The following EFCAB5 variants were observed in gnomAD, a reference collection of about 807,000 sequenced individuals.
The protein encoded by EFCAB5 is EF-hand calcium-binding domain-containing protein 5.
Under a neutral mutation model 167.9 loss-of-function variants are expected in EFCAB5, and 131 were observed. That is an observed-to-expected ratio of 0.78 (90% CI 0.68 to 0.90). The LOEUF (loss-of-function observed/expected upper bound fraction) is 0.90, where lower values mean the gene tolerates loss of function less well. EFCAB5 is among the 40% of genes least tolerant of loss of function. EFCAB5 has a pLI of 0.00. For missense variants in EFCAB5, 1,663 were observed against 1,745.2 expected (o/e 0.95, Z 0.84); for synonymous variants, 574 against 602.8 (o/e 0.95, Z 0.70).
chr17:30,062,549 A>C (rs2151801463), intron 14 of EFCAB5, among the ~76,000 whole-genome samples: 1 of 152,350 alleles, frequency 6.6e-6, no homozygotes, highest in East Asian at 1.9e-4. Flanking sequence ...TGCTCTCCCC[A>C]GAAAAGACGC....
chr17:30,003,624 G>C (rs1185726332), intron 7 of EFCAB5, among the ~76,000 whole-genome samples: 1 of 150,410 alleles, frequency 6.6e-6, no homozygotes, highest in African/African-American at 2.4e-5. Flanking sequence ...AGCCTCCTGA[G>C]TTGTATTTTT....
intron 14 of EFCAB5, 48 bp from the exon 15 acceptor site, chr17:30,078,167 A>G (rs757980347): frequency 2.6e-6 from 4 of 1,544,396 alleles, no homozygotes; most frequent in South Asian, 2.5e-5. Flanking sequence ...CCCCCCACCA[A>G]TGAGTGAACT....
intron 8 of EFCAB5, among the ~76,000 whole-genome samples, chr17:30,048,326 C>T (rs1449718532): frequency 6.6e-6 from 1 of 151,228 alleles, no homozygotes; most frequent in Admixed American, 6.6e-5. Flanking sequence ...CCTGAACTTT[C>T]CCTGTCTGCC....
chr17:30,073,309 A>G (rs2070790827), intron 14 of EFCAB5: 2 of 546,214 alleles, frequency 3.7e-6, no homozygotes, highest in Non-Finnish European at 6.5e-6. Flanking sequence ...CTCTCACCTC[A>G]GTCTCCCGAA....
intron 13 of EFCAB5, chr17:30,058,989 A>C (rs983864585): frequency 2.6e-5 from 4 of 151,896 alleles, no homozygotes; most frequent in Non-Finnish European, 4.4e-5. Context: ...TAAATTTGAA[A>C]AAAAAAAAAA....
intron 3 of EFCAB5, among the ~76,000 whole-genome samples, chr17:29,965,912 G>T (rs1419996672): frequency 6.6e-6 from 1 of 151,698 alleles, no homozygotes; most frequent in African/African-American, 2.4e-5. Flanking sequence ...ATGACATGAA[G>T]CTTTATAAAA....
intron 7 of EFCAB5, among the ~76,000 whole-genome samples, chr17:30,019,168 C>T (rs1019548065): frequency 2.6e-5 from 4 of 152,002 alleles, no homozygotes; most frequent in East Asian, 1.9e-4. Context: ...CATGCCTGGG[C>T]TTTGTATTCT....
chr17:29,943,824 A>C (rs2067341413), intron 3 of EFCAB5, among the ~76,000 whole-genome samples, 175 bp downstream of exon 3: 1 of 152,086 alleles, frequency 6.6e-6, no homozygotes, highest in Non-Finnish European at 1.5e-5. Flanking sequence ...AAATACAAAA[A>C]ATTAGCTGGG....
chr17:30,006,825 TTTTG>T (rs1236975291), intron 7 of EFCAB5, among the ~76,000 whole-genome samples: 1 of 152,114 alleles, frequency 6.6e-6, no homozygotes, highest in Non-Finnish European at 1.5e-5. Flanking sequence ...GCCTGGCTAA[TTTTG>T]TTTATTTTTG....
At position 30,080,981 on chromosome 17, in the gene EFCAB5, G is replaced by C. The variant is rs1246038209; in HGVS notation, c.3426G>C (p.Gln1142His). The change falls in exon 17 of 23, where the codon CAG (glutamine) becomes CAC (histidine). Residue 1142 changes from glutamine to histidine, a missense_variant and splice_region_variant. Coordinates refer to ENST00000394835, the MANE Select transcript of EFCAB5 (RefSeq NM_198529.4). Reference protein sequence around the residue: ...IFLPHEIRFYQGVANVFSTAY... With the variant: ...IFLPHEIRFYHGVANVFSTAY... ...TACCTCATGAGATCAGATTCTATCA[G>C]GTAAGTCATAGAAGTCTTCAAGAGC... The C allele has an allele frequency of 6.2e-7, 1 of 1,610,390 alleles. No homozygotes were observed. The highest frequency in any genetic ancestry group is 1.1e-5 in the South Asian group (1 of 90,936).
intron 8 of EFCAB5, among the ~76,000 whole-genome samples, chr17:30,045,374 A>G (rs1194801097): frequency 2.0e-5 from 3 of 148,028 alleles, no homozygotes; most frequent in African/African-American, 7.5e-5. Context: ...AGGAAAATCG[A>G]TTGAACCCGG....
rs1597706594 is a variant in EFCAB5, at chr17:30,036,429, A to G, written c.1200+2044A>G. ...TAATATTAGAGAGAGAGAGAGAGAG[A>G]GGGAGATTGCACCTGTGAGAGACAG... is the stretch of plus-strand genomic sequence containing the variant. On this transcript the variant is annotated intron_variant, in intron 8 of 22. Coordinates refer to ENST00000394835, the MANE Select transcript of EFCAB5 (RefSeq NM_198529.4). Among the ~76,000 whole-genome samples the G allele has an allele frequency of 2.0e-5, 3 of 147,676 alleles. No homozygotes were observed. The East Asian group carries it at 5.8e-4, about 29-fold the overall frequency.
chr17:30,053,725 G>C lies in EFCAB5; in HGVS notation c.1771G>C (p.Val591Leu). 1.2e-6 allele frequency: 2 copies of C among 1,613,964 alleles called. No homozygotes were observed. The highest frequency in any genetic ancestry group is 1.6e-4 in the Middle Eastern group (1 of 6,062). The change falls in exon 10 of 23, where the codon GTG becomes CTG. Residue 591 changes from valine (V) to leucine (L), a missense_variant. Physicochemically the swap from Val to Leu is conservative, Grantham distance 32. Transcript: ENST00000394835. Reference protein sequence around the residue: ...GSIEGQGPRRVSVSEQGSSRE... With the variant: ...GSIEGQGPRRLSVSEQGSSRE... ...AATAGAAGGACAAGGACCACGCAGA[G>C]TGTCAGTTTCAGAACAAGGATCAAG...
chr17:29,999,148 A>G (rs2068607405), intron 6 of EFCAB5, among the ~76,000 whole-genome samples: 1 of 151,990 alleles, frequency 6.6e-6, no homozygotes, highest in African/African-American at 2.4e-5. Context: ...TTTCTTATTC[A>G]AGTCCATGAC....
At chr17:29,940,009 T>C (rs1245753568), upstream of EFCAB5, among the ~76,000 whole-genome samples, 1 of 152,182 alleles carries the variant, frequency 6.6e-6, no homozygotes, top group Non-Finnish European at 1.5e-5. Context: ...TTCCTTAACA[T>C]TTTGTGTGTA....
At chr17:30,079,152 A>C (rs1011646853) in intron 15 of EFCAB5, among the ~76,000 whole-genome samples, 4 of 152,198 alleles carry the variant, frequency 2.6e-5, no homozygotes, top group Non-Finnish European at 4.4e-5. Flanking sequence ...ATCTCAGCTA[A>C]ATAGCGATAC....
At chr17:29,990,256 C>G (rs2151629596) in intron 4 of EFCAB5, among the ~76,000 whole-genome samples, 1 of 152,262 alleles carries the variant, frequency 6.6e-6, no homozygotes, top group East Asian at 1.9e-4. Flanking sequence ...AATGTCTGCT[C>G]CTGTATCTAA....
chr17:29,975,220 C>T (rs986561345), intron 4 of EFCAB5, among the ~76,000 whole-genome samples: 1 of 151,810 alleles, frequency 6.6e-6, no homozygotes. Flanking sequence ...AAAAGTGATA[C>T]ACTTTTCCTT....
Position 30,092,076 on chromosome 17 carries a change from C to T in EFCAB5, c.4143C>T (p.Asp1381=), listed in dbSNP as rs1342941652. 6.2e-7 allele frequency: 1 copy of T among 1,613,860 alleles called. No homozygotes were observed. The highest frequency in any genetic ancestry group is 8.5e-7 in the Non-Finnish European group (1 of 1,179,888). The change falls in exon 21 of 23, where the codon GAC becomes GAT. Residue 1381 remains aspartate (D), a synonymous_variant. Transcript: ENST00000394835. ...ELEANVKLVR[D]ILKAVILFFH... ...AAGCCAACGTGAAACTAGTGCGTGA[C>T]ATCCTGAAGGCGGTTATCTTGTTCT...
Sources: allele counts gnomAD v4.1 joint callset (sites outside exome capture counted in the v4.1 genomes callset), GRCh38; gene constraint gnomAD v4.1.1; transcripts MANE v1.5; gene names NCBI Gene and HGNC (gene_info 2026-07-23, HGNC 2026-07-21).